The following ATOSA variants were observed in gnomAD, a reference collection of about 807,000 sequenced individuals.
The protein encoded by ATOSA is atos homolog A.
At chr15:52,585,090 A>C in the ATOSA span, 208 of 585,224 alleles carry the variant, frequency 3.6e-4, 4 homozygotes, top group East Asian at 6.3e-3. Flanking sequence ...AAATTAACAC[A>C]ATTTCAAAAG....
At chr15:52,659,706 A>G in the ATOSA span, among the ~76,000 whole-genome samples, 1 of 152,200 alleles carries the variant, frequency 6.6e-6, no homozygotes, top group East Asian at 1.9e-4. Flanking sequence ...AATGAAAGAC[A>G]AGACTTGAGT....
At chr15:52,627,947 A>C in the ATOSA span, among the ~76,000 whole-genome samples, 2 of 152,192 alleles carry the variant, frequency 1.3e-5, no homozygotes, top group South Asian at 4.1e-4. Context: ...AGATTTCATC[A>C]CACTAAATCT....
the ATOSA span, among the ~76,000 whole-genome samples, chr15:52,691,590 T>C: frequency 6.6e-6 from 1 of 151,950 alleles, no homozygotes; most frequent in Non-Finnish European, 1.5e-5. Context: ...ACTGAAAAGA[T>C]TTGGGAGGCT....
the ATOSA span, among the ~76,000 whole-genome samples, chr15:52,607,871 G>C: frequency 0.018 from 2,676 of 152,032 alleles, 84 homozygotes; most frequent in African/African-American, 0.062. Flanking sequence ...GTTTTGGTTG[G>C]TTGGTTTTTT....
At chr15:52,612,795 G>A in the ATOSA span, among the ~76,000 whole-genome samples, 2 of 152,130 alleles carry the variant, frequency 1.3e-5, no homozygotes, top group Admixed American at 6.6e-5. Context: ...GAACCACTGC[G>A]CCCAGCCTCA....
chr15:52,645,108 G>A, the ATOSA span, among the ~76,000 whole-genome samples: 1,130 of 152,320 alleles, frequency 7.4e-3, 16 homozygotes, highest in African/African-American at 0.025. Flanking sequence ...GGGGGCAGTC[G>A]TATGGAGAGA....
the ATOSA span, among the ~76,000 whole-genome samples, chr15:52,698,442 T>G: frequency 2.6e-5 from 4 of 152,364 alleles, no homozygotes; most frequent in African/African-American, 9.6e-5. Flanking sequence ...CTCTCATTTG[T>G]ACATTATATT....
At chr15:52,599,188 T>A in the ATOSA span, among the ~76,000 whole-genome samples, 1 of 152,238 alleles carries the variant, frequency 6.6e-6, no homozygotes, top group African/African-American at 2.4e-5. Context: ...TTTTCACTTA[T>A]ACATTTTTTG....
At chr15:52,585,961 G>A in the ATOSA span, 1 of 152,150 alleles carries the variant, frequency 6.6e-6, no homozygotes, top group Non-Finnish European at 1.5e-5. Context: ...TCATAAGCCA[G>A]GAGTTCAAAT....
chr15:52,632,634 T>C, the ATOSA span, among the ~76,000 whole-genome samples: 2 of 152,234 alleles, frequency 1.3e-5, no homozygotes, highest in Non-Finnish European at 2.9e-5. Context: ...TTTCGGTTAG[T>C]ATTTGACCTT....
chr15:52,664,805 G>A, the ATOSA span, among the ~76,000 whole-genome samples: 1 of 152,126 alleles, frequency 6.6e-6, no homozygotes, highest in African/African-American at 2.4e-5. Context: ...GGGCAGGGTG[G>A]TGTGCGCCTA....
the ATOSA span, chr15:52,593,645 T>C: frequency 1.9e-6 from 3 of 1,565,632 alleles, no homozygotes; most frequent in Non-Finnish European, 2.6e-6. Flanking sequence ...AAGAGTCAAA[T>C]GTGTGGGGCA....
chr15:52,677,899 G>T, the ATOSA span: 1 of 1,410,386 alleles, frequency 7.1e-7, no homozygotes, highest in Non-Finnish European at 1.0e-6. Flanking sequence ...AATCACATAT[G>T]ATACAGAAAT....
the ATOSA span, among the ~76,000 whole-genome samples, chr15:52,707,744 C>G: frequency 6.6e-6 from 1 of 152,064 alleles, no homozygotes; most frequent in Non-Finnish European, 1.5e-5. Flanking sequence ...TTGCCACATA[C>G]TCCCGAATGA....
At chr15:52,651,285 C>T in the ATOSA span, among the ~76,000 whole-genome samples, 1 of 152,116 alleles carries the variant, frequency 6.6e-6, no homozygotes, top group East Asian at 1.9e-4. Flanking sequence ...ATCTGAACTG[C>T]ACAGAACTAG....
chr15:52,622,619 T>C, the ATOSA span, among the ~76,000 whole-genome samples: 5 of 152,174 alleles, frequency 3.3e-5, no homozygotes, highest in Non-Finnish European at 7.3e-5. Context: ...AGAATGATTA[T>C]GGCAATGCTT....
chr15:52,583,700 A>G, the ATOSA span, among the ~76,000 whole-genome samples: 12 of 152,094 alleles, frequency 7.9e-5, no homozygotes, highest in African/African-American at 2.9e-4. Context: ...CATGTCTTTT[A>G]AAAAAAGTTT....
At chr15:52,627,463 C>T in the ATOSA span, among the ~76,000 whole-genome samples, 1 of 152,050 alleles carries the variant, frequency 6.6e-6, no homozygotes, top group African/African-American at 2.4e-5. Flanking sequence ...AGCAAGTACT[C>T]AATAAATATA....
the ATOSA span, among the ~76,000 whole-genome samples, chr15:52,625,680 T>C: frequency 1.4e-5 from 2 of 144,332 alleles, no homozygotes; most frequent in African/African-American, 4.9e-5. Flanking sequence ...TAAAACACTG[T>C]AATATCATAA....
Sources: allele counts gnomAD v4.1 joint callset (sites outside exome capture counted in the v4.1 genomes callset), GRCh38; gene constraint gnomAD v4.1.1; transcripts MANE v1.5; gene names NCBI Gene and HGNC (gene_info 2026-07-23, HGNC 2026-07-21).